Variants in MYLK observed in about 807,000 individuals in gnomAD.
MYLK encodes the protein myosin light chain kinase, smooth muscle.
MYLK carries 106 observed loss-of-function variants against 203.4 expected under a neutral mutation model. The observed-to-expected ratio is 0.52, with a 90% CI of 0.45 to 0.61. MYLK has a LOEUF of 0.61. Among genes scored for constraint, MYLK ranks in the 20% least tolerant of loss-of-function variants. The pLI, the probability that MYLK is intolerant of heterozygous loss-of-function variation, is 0.00. For synonymous variants in MYLK, 867 were observed against 959.5 expected (o/e 0.90, Z 1.78); for missense variants, 2,072 against 2,442.3 (o/e 0.85, Z 3.20).
At chr3:123,825,604 G>C (rs775566773) in intron 3 of MYLK, among the ~76,000 whole-genome samples, 4 of 152,174 alleles carry the variant, frequency 2.6e-5, no homozygotes, top group Admixed American at 6.5e-5. Flanking sequence ...TCCCTTGTGA[G>C]CCAAGCTGCT....
chr3:123,852,986 G>A (rs1405938498), intron 2 of MYLK, among the ~76,000 whole-genome samples: 1 of 152,112 alleles, frequency 6.6e-6, no homozygotes, highest in African/African-American at 2.4e-5. Context: ...AGCAAATTAA[G>A]AGTTGGGTTG....
chr3:123,692,821 G>A lies in MYLK; in HGVS notation c.3479C>T (p.Ala1160Val), dbSNP rs1222534732. The change falls in exon 19 of 34, where the codon GCA becomes GTA. Residue 1160 changes from alanine (A) to valine (V), a missense_variant. By Grantham distance (64) the Ala-to-Val change is moderately conservative. Transcript: ENST00000360304. ...GTATAAGCCTCTGTCCTCAGGCAGT[G>A]CCTTCTCGATGGAGACGGAGCAGAG... is the stretch of plus-strand genomic sequence containing the variant. ...GSLCSVSIEK[A>V]LPEDRGLYKC... 9.3e-6 allele frequency: 15 copies of A among 1,613,954 alleles called. No homozygotes were observed. Among genetic ancestry groups the A allele is most frequent in the Non-Finnish European group, 1.2e-5 (14 of 1,180,018 alleles).
At chr3:123,777,899 CTTA>C (rs1234576067) in intron 4 of MYLK, among the ~76,000 whole-genome samples, 1 of 152,172 alleles carries the variant, frequency 6.6e-6, no homozygotes, top group Admixed American at 6.5e-5. Flanking sequence ...AGCAAATGGG[CTTA>C]TTTTTTACAG....
intron 18 of MYLK, among the ~76,000 whole-genome samples, chr3:123,694,261 C>T (rs2060812280): frequency 6.6e-6 from 1 of 152,218 alleles, no homozygotes; most frequent in Non-Finnish European, 1.5e-5. Flanking sequence ...TACCCTTATA[C>T]AGACCCCAAA....
chr3:123,676,702 T>C (rs2060081878), intron 20 of MYLK, among the ~76,000 whole-genome samples: 1 of 152,214 alleles, frequency 6.6e-6, no homozygotes. Flanking sequence ...AGAACCACAG[T>C]GGAGGCAGGG....
intron 4 of MYLK, among the ~76,000 whole-genome samples, chr3:123,792,252 CTG>C (rs957884362): frequency 2.2e-4 from 34 of 152,210 alleles, no homozygotes; most frequent in Admixed American, 6.5e-4. Context: ...TGGTAGGAGA[CTG>C]TGTGTGCAGT....
chr3:123,735,343 T>TA, intron 9 of MYLK, 55 bp downstream of exon 9: 1 of 1,608,052 alleles, frequency 6.2e-7, no homozygotes, highest in South Asian at 1.1e-5. Flanking sequence ...CTCGGTAACA[T>TA]CCTTGCAGGG....
chr3:123,728,467 A>G lies in MYLK; in HGVS notation c.1517-2389T>C, dbSNP rs572856777. 5.3e-4 allele frequency among the ~76,000 whole-genome samples: 80 copies of G among 152,248 alleles called. 1 individual carries two copies. The South Asian group carries it at 0.016, about 30-fold the overall frequency. On this transcript the variant is annotated intron_variant, in intron 11 of 33. Coordinates refer to ENST00000360304, the MANE Select transcript of MYLK (RefSeq NM_053025.4). ...GGCTGTAGCAAGCTATGATCACGCC[A>G]TTGCACTCCAGTCTGGGTGACAGAG...
intron 29 of MYLK, 32 bp downstream of exon 29, chr3:123,638,039 T>A (rs1249705103): frequency 6.2e-7 from 1 of 1,612,644 alleles, no homozygotes. Flanking sequence ...CACCAAGTGG[T>A]CCACCAGTCC....
At chr3:123,833,166 C>A (rs947187245) in intron 2 of MYLK, among the ~76,000 whole-genome samples, 2 of 152,136 alleles carry the variant, frequency 1.3e-5, no homozygotes, top group African/African-American at 4.8e-5. Flanking sequence ...GCCTTGTCTG[C>A]ACCCAGTTGC....
intron 29 of MYLK, among the ~76,000 whole-genome samples, chr3:123,631,672 A>G (rs2058430830): frequency 6.6e-6 from 1 of 152,208 alleles, no homozygotes; most frequent in Non-Finnish European, 1.5e-5. Flanking sequence ...ATCCTAATCA[A>G]CATATTTGTG....
chr3:123,626,183 G>A (rs893410825), intron 31 of MYLK, among the ~76,000 whole-genome samples: 6 of 152,154 alleles, frequency 3.9e-5, no homozygotes, highest in African/African-American at 1.4e-4. Context: ...GACTGGGATC[G>A]CTTCTGGACA....
intron 13 of MYLK, 81 bp from the exon 14 acceptor site, chr3:123,709,974 T>C: frequency 6.4e-7 from 1 of 1,569,440 alleles, no homozygotes; most frequent in Non-Finnish European, 8.7e-7. Flanking sequence ...ACTTGGTACA[T>C]GACTGTGTTG....
chr3:123,673,351 T>C (rs1256053217), intron 20 of MYLK, among the ~76,000 whole-genome samples: 1 of 151,898 alleles, frequency 6.6e-6, no homozygotes, highest in Non-Finnish European at 1.5e-5. Flanking sequence ...TGAGCTCAAG[T>C]GAGCTCCCAC....
intron 4 of MYLK, among the ~76,000 whole-genome samples, chr3:123,757,003 T>C (rs1490131008): frequency 1.3e-5 from 2 of 152,166 alleles, no homozygotes; most frequent in Non-Finnish European, 2.9e-5. Flanking sequence ...TTAAAAGGAA[T>C]GAGGGCTCAT....
At chr3:123,790,230 C>G (rs2064721388) in intron 4 of MYLK, among the ~76,000 whole-genome samples, 1 of 152,194 alleles carries the variant, frequency 6.6e-6, no homozygotes, top group Admixed American at 6.5e-5. Context: ...AATATGAGAG[C>G]ACCAGTGATG....
chr3:123,863,659 C>T (rs1169683574), intron 2 of MYLK, among the ~76,000 whole-genome samples: 1 of 152,000 alleles, frequency 6.6e-6, no homozygotes, highest in Non-Finnish European at 1.5e-5. Context: ...TAGGATACTG[C>T]CATAGCAGTA....
chr3:123,880,237 A>G (rs529672135), intron 1 of MYLK, among the ~76,000 whole-genome samples: 15 of 152,192 alleles, frequency 9.9e-5, no homozygotes, highest in African/African-American at 3.1e-4. Context: ...ACTGAACCCA[A>G]GTTTAACACC....
intron 5 of MYLK, among the ~76,000 whole-genome samples, chr3:123,745,831 C>T (rs1258428059): frequency 6.6e-6 from 1 of 152,006 alleles, no homozygotes; most frequent in Non-Finnish European, 1.5e-5. Flanking sequence ...ATTTAAAATA[C>T]TTATTTATAA....
Sources: gnomAD v4.1 joint callset for allele counts (sites outside exome capture counted in the v4.1 genomes callset) on GRCh38, gnomAD v4.1.1 for gene constraint, MANE v1.5 for transcripts, NCBI Gene and HGNC (gene_info 2026-07-23, HGNC 2026-07-21) for gene names.